The following SLC37A2 variants were observed in gnomAD, a reference collection of about 807,000 sequenced individuals.
The protein encoded by SLC37A2 is solute carrier family 37 member 2.
Under a neutral mutation model 70.7 loss-of-function variants are expected in SLC37A2, and 59 were observed. The observed-to-expected ratio is 0.83, with a 90% CI of 0.68 to 1.04. The LOEUF (loss-of-function observed/expected upper bound fraction) is 1.04, where lower values mean the gene tolerates loss of function less well. Ranked by LOEUF, SLC37A2 falls within the 50% of genes least tolerant of loss-of-function variation. The probability of loss-of-function intolerance (pLI) is 0.00; values close to 1 mark genes in which losing one functional copy is unlikely to be tolerated. For synonymous variants in SLC37A2, 257 were observed against 262.1 expected (o/e 0.98, Z 0.19); for missense variants, 580 against 658.1 (o/e 0.88, Z 1.30).
In SLC37A2 at chr11:125,083,742, G is replaced by A; in HGVS notation, c.977-73G>A. ...CAGTGGTCTGGATCACGCTCTGCAG[G>A]GCTTCTAGCTGTGACACTCCAGGAT... On this transcript the variant is annotated intron_variant, in intron 10 of 17. Coordinates refer to ENST00000403796, the MANE Select transcript of SLC37A2 (RefSeq NM_001145290.2). The surrounding 1 kb of genome is among the most constrained non-coding windows in gnomAD (Gnocchi z 4.6). 7.4e-7 allele frequency: 1 copy of A among 1,348,682 alleles called. No individual in the cohort carries two copies. The highest frequency in any genetic ancestry group is 1.2e-5 in the South Asian group (1 of 85,564). 83.5% of individuals were successfully genotyped at this position (1,348,682 alleles called of 1,614,324 possible). A position where few individuals can be genotyped will look rare whatever the true frequency, so the allele number is the denominator to read the frequency against.
In SLC37A2 at chr11:125,084,806, C is replaced by T; in HGVS notation, c.1126-19C>T. 1 of 1,612,814 alleles carries T rather than the reference C, an allele frequency of 6.2e-7. No individual in the cohort carries two copies. The highest frequency in any genetic ancestry group is 8.5e-7 in the Non-Finnish European group (1 of 1,179,460). ...AAAGGGATTCCGGGTGACTCTGCCT[C>T]TCCCCTCTCCTCTCTCAGATGTTCC... is the stretch of plus-strand genomic sequence containing the variant. On this transcript the variant is annotated intron_variant, in intron 12 of 17. Transcript: ENST00000403796.
At chr11:125,084,446 T>C in intron 12 of SLC37A2, 127 bp downstream of exon 12, 1 of 977,122 alleles carries the variant, frequency 1.0e-6, no homozygotes, top group Non-Finnish European at 1.6e-6. Context: ...CATGCATCAT[T>C]GTGCACACAC....
intron 8 of SLC37A2, 31 bp downstream of exon 8, chr11:125,081,489 G>A: frequency 6.3e-7 from 1 of 1,598,534 alleles, no homozygotes; most frequent in South Asian, 1.1e-5. Context: ...CCCTATCCCT[G>A]CCCTCCAACT....
At chr11:125,073,116 A>G (rs1232219667) in intron 1 of SLC37A2, among the ~76,000 whole-genome samples, 1 of 152,092 alleles carries the variant, frequency 6.6e-6, no homozygotes, top group Non-Finnish European at 1.5e-5. Context: ...TCAGGCTACC[A>G]CCTGGAGGAG....
intron 1 of SLC37A2, among the ~76,000 whole-genome samples, chr11:125,071,796 C>T (rs897613201): frequency 1.8e-4 from 24 of 136,270 alleles, no homozygotes; most frequent in Non-Finnish European, 3.4e-4. Context: ...GTATCTGTTC[C>T]TGGCTGGCCT....
intron 1 of SLC37A2, among the ~76,000 whole-genome samples, chr11:125,068,912 G>A (rs928115006): frequency 6.6e-6 from 1 of 152,232 alleles, no homozygotes; most frequent in East Asian, 1.9e-4. Flanking sequence ...CCCAAGGAGG[G>A]CATTTAAGAA....
At chr11:125,064,516 G>T (rs569046731) in intron 1 of SLC37A2, among the ~76,000 whole-genome samples, 3 of 152,154 alleles carry the variant, frequency 2.0e-5, no homozygotes, top group Non-Finnish European at 4.4e-5. Context: ...TCTTTTGTCG[G>T]CAACCCTCTC....
intron 1 of SLC37A2, among the ~76,000 whole-genome samples, chr11:125,066,164 G>A (rs919423209): frequency 6.6e-6 from 1 of 152,232 alleles, no homozygotes; most frequent in Non-Finnish European, 1.5e-5. Flanking sequence ...TGTTGTCTAA[G>A]TAGTTCCATC....
rs773920448 is a variant in SLC37A2, at chr11:125,082,329, A to G, written c.971A>G (p.Asn324Ser). 3.7e-6 allele frequency: 6 copies of G among 1,613,670 alleles called. No individual in the cohort carries two copies. The highest frequency in any genetic ancestry group is 1.7e-5 in the Admixed American group (1 of 59,998). ...TACTGGCTGCCCCTCTACATCGCCAATGTGGGTAAGTCCAAGAGAAGGGGA... is the reference window on the plus strand; with the variant it reads ...TACTGGCTGCCCCTCTACATCGCCAGTGTGGGTAAGTCCAAGAGAAGGGGA... ...FLYWLPLYIA[N>S]VAHFSAKEAG... Residue 324 changes from asparagine (N) to serine (S), a missense_variant, in exon 10 of 18, where the codon AAT (asparagine) becomes AGT (serine). Physicochemically the swap from Asn to Ser is conservative, Grantham distance 46 (BLOSUM62 1). Transcript: ENST00000403796.
intron 1 of SLC37A2, among the ~76,000 whole-genome samples, chr11:125,072,556 C>G (rs985899385): frequency 3.9e-5 from 6 of 152,232 alleles, no homozygotes; most frequent in African/African-American, 1.4e-4. Flanking sequence ...CTGGGGCCAG[C>G]TAGGCAAGGC....
At chr11:125,081,940 GC>G in intron 9 of SLC37A2, 34 bp downstream of exon 9, 1 of 1,565,576 alleles carries the variant, frequency 6.4e-7, no homozygotes, top group Non-Finnish European at 8.7e-7. Context: ...AAAGAGAGGG[GC>G]TTTCCAGATT....
chr11:125,072,850 G>A (rs1359912668), intron 1 of SLC37A2, among the ~76,000 whole-genome samples: 1 of 152,194 alleles, frequency 6.6e-6, no homozygotes, highest in Non-Finnish European at 1.5e-5. Context: ...AGGAGGCCCA[G>A]CTCTGACTAT....
chr11:125,082,706 C>G (rs73024317), intron 10 of SLC37A2, among the ~76,000 whole-genome samples: 1 of 152,196 alleles, frequency 6.6e-6, no homozygotes, highest in Non-Finnish European at 1.5e-5. Context: ...GGCCTGCCTG[C>G]TAGATCTCTC....
intron 1 of SLC37A2, among the ~76,000 whole-genome samples, chr11:125,073,860 C>G (rs1325874654): frequency 1.3e-5 from 2 of 152,236 alleles, no homozygotes; most frequent in South Asian, 2.1e-4. Context: ...CCCACCAAAA[C>G]CTACAGGGCA....
At position 125,086,057 on chromosome 11, in the gene SLC37A2, CATT is replaced by C. The variant is rs1216667370; in HGVS notation, c.1490+40_1490+42del. On this transcript the variant is annotated intron_variant, in intron 17 of 17. Coordinates refer to ENST00000403796, the MANE Select transcript of SLC37A2 (RefSeq NM_001145290.2). ...GCTGAAGCTGCCCCTCTACCAACCT[CATT>C]TCTCGTGGGAATCAGCCCAGCGCTC... The C allele has an allele frequency of 2.5e-6, 4 of 1,599,940 alleles. No individual in the cohort carries two copies. In the African/African-American group the frequency reaches 5.4e-5, roughly 21 times the overall value.
intron 17 of SLC37A2, chr11:125,086,307 G>A (rs1591635754): frequency 1.1e-5 from 15 of 1,379,018 alleles, no homozygotes; most frequent in Non-Finnish European, 1.4e-5. Flanking sequence ...TTTGAGTGGG[G>A]GCTGCATGCA....
chr11:125,063,817 T>TA lies in SLC37A2; in HGVS notation c.59+392dup, dbSNP rs1212555780. The stretch of plus-strand genomic sequence containing the variant: ...CTGGGGAACCGAGGCCAGGGGATGG[T>TA]AGAGGAAAGGGGTTGCCACTGGGGT... On this transcript the variant is annotated intron_variant, in intron 1 of 17. Transcript: ENST00000403796. The surrounding 1 kb of genome is among the most constrained non-coding windows in gnomAD (Gnocchi z 5.4). Among the ~76,000 whole-genome samples the TA allele has an allele frequency of 1.3e-5, 2 of 152,080 alleles. No individual in the cohort carries two copies. Among genetic ancestry groups the TA allele is most frequent in the African/African-American group, 2.4e-5 (1 of 41,418 alleles).
chr11:125,073,321 T>A (rs1949049075), intron 1 of SLC37A2, among the ~76,000 whole-genome samples: 3 of 152,216 alleles, frequency 2.0e-5, no homozygotes, highest in African/African-American at 7.2e-5. Context: ...GGCATCCTTA[T>A]GTTCATCTAG....
chr11:125,063,970 G>GC lies in SLC37A2; in HGVS notation c.59+548dup, dbSNP rs1297218857. ...ACAGCTCTCAGAGCAGAGCAGGGCA[G>GC]CCCCTCGGCAGTGGGAGAAGGGCTT... On this transcript the variant is annotated intron_variant, in intron 1 of 17. Transcript: ENST00000403796. This position sits in a 1 kb window ranked among gnomAD's most constrained non-coding sequence, Gnocchi z 5.4. 6.6e-6 allele frequency among the ~76,000 whole-genome samples: 1 copy of GC among 152,334 alleles called. No individual in the cohort carries two copies. Among genetic ancestry groups the GC allele is most frequent in the African/African-American group, 2.4e-5 (1 of 41,576 alleles).
Sources: allele counts gnomAD v4.1 joint callset (sites outside exome capture counted in the v4.1 genomes callset), GRCh38; gene constraint gnomAD v4.1.1; non-coding constraint Gnocchi (gnomAD v3.1); transcripts MANE v1.5; gene names NCBI Gene and HGNC (gene_info 2026-07-23, HGNC 2026-07-21).